Variants in STK3 observed in about 807,000 individuals in gnomAD.
STK3 encodes serine/threonine kinase 3.
A neutral mutation model predicts 58.0 loss-of-function variants in STK3; 41 were observed. The observed-to-expected ratio is 0.71, with a 90% CI of 0.55 to 0.92. The LOEUF is 0.92. Among genes scored for constraint, STK3 ranks in the 40% least tolerant of loss-of-function variants. STK3 has a pLI of 0.00. For synonymous variants in STK3, 170 were observed against 191.0 expected (o/e 0.89, Z 0.91); for missense variants, 479 against 602.7 (o/e 0.79, Z 2.15).
At chr8:98,685,756 A>C (rs1453487625) in intron 6 of STK3, among the ~76,000 whole-genome samples, 1 of 152,074 alleles carries the variant, frequency 6.6e-6, no homozygotes, top group Non-Finnish European at 1.5e-5. Context: ...TAGGCAAAAA[A>C]ATAGGGAAGA....
At chr8:98,538,200 C>G (rs896510005) in intron 9 of STK3, among the ~76,000 whole-genome samples, 3 of 152,118 alleles carry the variant, frequency 2.0e-5, no homozygotes, top group African/African-American at 7.2e-5. Context: ...GTGGGTGGTT[C>G]CACCTCATTA....
chr8:98,708,259 C>A (rs2131079833), intron 4 of STK3, among the ~76,000 whole-genome samples: 1 of 152,260 alleles, frequency 6.6e-6, no homozygotes, highest in African/African-American at 2.4e-5. Flanking sequence ...AGGGCACTAT[C>A]ACAGCTAATA....
chr8:98,697,176 T>C (rs1251956621), intron 6 of STK3, among the ~76,000 whole-genome samples: 4 of 152,226 alleles, frequency 2.6e-5, no homozygotes, highest in South Asian at 2.1e-4. Flanking sequence ...TGATGGTAGT[T>C]TGTATTTCTG....
intron 3 of STK3, among the ~76,000 whole-genome samples, chr8:98,752,707 T>A (rs1021723672): frequency 1.3e-5 from 2 of 149,242 alleles, no homozygotes; most frequent in African/African-American, 4.9e-5. Context: ...ATGCATCCAA[T>A]AAAGGTCTAA....
intron 6 of STK3, among the ~76,000 whole-genome samples, chr8:98,687,483 G>A (rs1824087919): frequency 1.3e-5 from 2 of 152,158 alleles, no homozygotes; most frequent in African/African-American, 4.8e-5. Flanking sequence ...CCAGCTGTGT[G>A]ACCCGGTTCC....
intron 1 of STK3, among the ~76,000 whole-genome samples, chr8:98,787,972 C>T (rs1173944809): frequency 6.6e-6 from 1 of 152,136 alleles, no homozygotes; most frequent in East Asian, 1.9e-4. Flanking sequence ...CACATCAAAA[C>T]AGAACCCCTT....
At chr8:98,666,755 T>C (rs961835243) in intron 6 of STK3, among the ~76,000 whole-genome samples, 1 of 152,174 alleles carries the variant, frequency 6.6e-6, no homozygotes, top group Non-Finnish European at 1.5e-5. Context: ...TTTCAGCCAC[T>C]TGTTTTATTA....
At chr8:98,761,373 C>T (rs1830604473) in intron 3 of STK3, among the ~76,000 whole-genome samples, 2 of 152,002 alleles carry the variant, frequency 1.3e-5, no homozygotes, top group South Asian at 4.1e-4. Flanking sequence ...AATCTGCCCA[C>T]CTCGGCCTCC....
chr8:98,374,041 C>T (rs1274987291), intron 2 of STK3, among the ~76,000 whole-genome samples: 1 of 152,168 alleles, frequency 6.6e-6, no homozygotes, highest in Non-Finnish European at 1.5e-5. Context: ...TAGATACCCA[C>T]CCACAATGGA....
chr8:98,579,544 C>A, intron 8 of STK3, 120 bp downstream of exon 8: 1 of 1,235,596 alleles, frequency 8.1e-7, no homozygotes, highest in South Asian at 1.4e-5. Flanking sequence ...TTTTGAGATT[C>A]AATGAAAAAA....
chr8:98,370,088 A>ATTTTTT (rs5893462), downstream of STK3, among the ~76,000 whole-genome samples: 1 of 127,644 alleles, frequency 7.8e-6, no homozygotes, highest in African/African-American at 3.0e-5. Flanking sequence ...TGGGATTTTG[A>ATTTTTT]TTTTTTTTTT....
intron 9 of STK3, 124 bp from the exon 10 acceptor site, chr8:98,527,041 A>G (rs374778177): frequency 3.8e-4 from 236 of 625,000 alleles, no homozygotes; most frequent in Non-Finnish European, 5.5e-4. Context: ...CAAGGCCAAC[A>G]TAATTAATTT....
chr8:98,837,490 T>C lies in STK3; in HGVS notation c.110+46157A>G, dbSNP rs191607977. Among the ~76,000 whole-genome samples, 230 of 152,138 alleles carry C rather than the reference T, an allele frequency of 1.5e-3. 1 individual carries two copies. Among genetic ancestry groups the C allele is most frequent in the Non-Finnish European group, 2.8e-3 (191 of 67,984 alleles). ...TACAAACCTAAGTTCCAGAACAAGC[T>C]GAAGATCTCTCAAAACACAGCAATG... On this transcript the variant is annotated intron_variant, in intron 3 of 12. Transcript: ENST00000523601.
intron 6 of STK3, among the ~76,000 whole-genome samples, chr8:98,617,306 CA>C (rs1284024053): frequency 3.7e-4 from 53 of 141,510 alleles, no homozygotes; most frequent in Admixed American, 3.3e-3. Context: ...GGGACGCATT[CA>C]AAGCAGTGTG....
intron 2 of STK3, among the ~76,000 whole-genome samples, chr8:98,375,093 A>AC (rs71273127): frequency 0.66 from 99,580 of 150,214 alleles, 33,081 homozygotes; most frequent in Non-Finnish European, 0.7. Context: ...ACAAACAACA[A>AC]AAAAAAAAAC....
intron 1 of STK3, among the ~76,000 whole-genome samples, chr8:98,895,454 G>C (rs1215670326): frequency 1.3e-5 from 2 of 152,120 alleles, no homozygotes; most frequent in Non-Finnish European, 2.9e-5. Context: ...TCTAGTCCCA[G>C]CTCCAGGGTT....
intron 1 of STK3, among the ~76,000 whole-genome samples, chr8:98,443,396 C>T (rs2131101173): frequency 6.6e-6 from 1 of 152,330 alleles, no homozygotes; most frequent in Admixed American, 6.5e-5. Context: ...CATTTCTCTG[C>T]CTGTATCTAT....
intron 4 of STK3, among the ~76,000 whole-genome samples, chr8:98,747,824 C>T (rs963084500): frequency 7.2e-5 from 11 of 152,126 alleles, no homozygotes; most frequent in African/African-American, 2.7e-4. Context: ...ACCCAGGGTA[C>T]CTGTTGTGTG....
rs189627230 is a variant in STK3 at position 98,852,940 on chromosome 8, C to T, written c.110+30707G>A. 1.7e-4 allele frequency among the ~76,000 whole-genome samples: 26 copies of T among 151,994 alleles called. No homozygotes were observed. The East Asian group carries it at 4.1e-3, about 24-fold the overall frequency. On this transcript the variant is annotated intron_variant, in intron 3 of 12. Transcript: ENST00000523601. The stretch of plus-strand genomic sequence containing the variant: ...TTATTCATTTAATGGATTTATGTTA[C>T]CCATTCTTTTTGGAAGATAATTAAC...
Sources: allele counts gnomAD v4.1 joint callset (sites outside exome capture counted in the v4.1 genomes callset), GRCh38; gene constraint gnomAD v4.1.1; transcripts MANE v1.5; gene names NCBI Gene and HGNC (gene_info 2026-07-23, HGNC 2026-07-21).